The following DET1 variants were observed in gnomAD, a reference collection of about 807,000 sequenced individuals.
DET1 encodes DET1 homolog.
A neutral mutation model predicts 43.7 loss-of-function variants in DET1; 22 were observed. The observed-to-expected ratio is 0.50, with a 90% CI of 0.36 to 0.72. The LOEUF is 0.72. DET1 is among the 30% of genes least tolerant of loss of function. The pLI is 0.00. For synonymous variants in DET1, 315 were observed against 266.2 expected, an observed-to-expected ratio of 1.18 and a Z score of -1.79; for missense variants, 713 against 713.3, an observed-to-expected ratio of 1.00 and a Z score of 0.00.
At chr15:88,511,388 C>G, downstream of DET1, 1 of 985,040 alleles carries the variant, frequency 1.0e-6, no homozygotes, top group Non-Finnish European at 1.2e-6. Flanking sequence ...CATTTCCCAT[C>G]TCCCTCACCC....
Position 88,515,488 on chromosome 15 carries a change from G to A in DET1, c.1463+1294C>T, listed in dbSNP as rs1010301186. Reference sequence around the variant, plus strand: ...TGGGAGGCAGAGGTTGCAGTGAGTCGAGATCGTGCCATTGCACTCGAGCCT... The same window carrying A: ...TGGGAGGCAGAGGTTGCAGTGAGTCAAGATCGTGCCATTGCACTCGAGCCT... On this transcript the variant is annotated intron_variant, in intron 4 of 4. Coordinates refer to ENST00000268148, the MANE Select transcript of DET1 (RefSeq NM_001144074.3). 3.8e-5 allele frequency among the ~76,000 whole-genome samples: 5 copies of A among 131,520 alleles called. 1 individual carries two copies. Among genetic ancestry groups the A allele is most frequent in the South Asian group, 4.9e-4 (2 of 4,044 alleles). 86.3% of individuals were successfully genotyped at this position (131,520 alleles called of 152,430 possible). A position where few individuals can be genotyped will look rare whatever the true frequency, so the allele number is the denominator to read the frequency against.
intron 8 of DET1, chr15:88,503,794 T>C (rs1024431249): frequency 2.6e-5 from 4 of 152,150 alleles, no homozygotes; most frequent in African/African-American, 9.7e-5. Flanking sequence ...ACCTAGGAGT[T>C]TGAGACCAGC....
chr15:88,536,151 A>T (rs545402503), intron 1 of DET1, among the ~76,000 whole-genome samples: 50 of 152,352 alleles, frequency 3.3e-4, no homozygotes, highest in Non-Finnish European at 6.5e-4. Flanking sequence ...AACATTATTT[A>T]AGTGCTGAAA....
intron 3 of DET1, among the ~76,000 whole-genome samples, chr15:88,518,899 C>T (rs1453166226): frequency 6.6e-6 from 1 of 152,190 alleles, no homozygotes; most frequent in Non-Finnish European, 1.5e-5. Context: ...AGCAACACTG[C>T]TTTTCCATTA....
rs369257105 is a variant in DET1 at position 88,517,257 on chromosome 15, G to A, written c.1272-284C>T. On this transcript the variant is annotated intron_variant, in intron 3 of 4. Coordinates refer to ENST00000268148, the MANE Select transcript of DET1 (RefSeq NM_001144074.3). Reference sequence around the variant, plus strand: ...TTTTTTTTTTTTGAGACAGGGTCTCGCTTTGTTGCCCAGGCTGGAGTACAG... The same window carrying A: ...TTTTTTTTTTTTGAGACAGGGTCTCACTTTGTTGCCCAGGCTGGAGTACAG... Among the ~76,000 whole-genome samples the A allele has an allele frequency of 7.3e-5, 10 of 136,864 alleles. No individual in the cohort carries two copies. The East Asian group carries it at 1.6e-3, about 23-fold the overall frequency. 89.8% of individuals were successfully genotyped at this position (136,864 alleles called of 152,430 possible). A position where few individuals can be genotyped will look rare whatever the true frequency, so the allele number is the denominator to read the frequency against.
At chr15:88,512,110 G>A (rs2056210638), downstream of DET1, among the ~76,000 whole-genome samples, 1 of 152,210 alleles carries the variant, frequency 6.6e-6, no homozygotes, top group Non-Finnish European at 1.5e-5. Flanking sequence ...AGGGACACCT[G>A]CGGCTTGCCA....
At chr15:88,518,709 G>A (rs542992124) in intron 3 of DET1, among the ~76,000 whole-genome samples, 10 of 152,110 alleles carry the variant, frequency 6.6e-5, no homozygotes, top group African/African-American at 2.2e-4. Context: ...ATTTTTTTTA[G>A]TCTGGGAGAA....
At chr15:88,527,574 T>C in intron 3 of DET1, 25 bp downstream of exon 3, 1 of 1,550,924 alleles carries the variant, frequency 6.4e-7, no homozygotes, top group South Asian at 1.2e-5. Flanking sequence ...AAGAAAAGAC[T>C]GTTGAGTCTG....
chr15:88,513,471 G>A lies in DET1; in HGVS notation c.1464-331C>T, dbSNP rs149659687. 2.6e-5 allele frequency among the ~76,000 whole-genome samples: 4 copies of A among 152,042 alleles called. No homozygotes were observed. In the East Asian group the frequency reaches 5.8e-4, roughly 22 times the overall value. On this transcript the variant is annotated intron_variant, in intron 4 of 4. Transcript: ENST00000268148. Reference sequence around the variant, plus strand: ...GGTTGTCTAGGCCAGGGCTAAAAATGAAATGCAAGCCACGTGTGTAATTTT... The same window carrying A: ...GGTTGTCTAGGCCAGGGCTAAAAATAAAATGCAAGCCACGTGTGTAATTTT...
Position 88,516,976 on chromosome 15 carries a change from A to G in DET1, c.1272-3T>C. On this transcript the variant is annotated splice_region_variant and splice_polypyrimidine_tract_variant and intron_variant, in intron 3 of 4. Coordinates refer to ENST00000268148, the MANE Select transcript of DET1 (RefSeq NM_001144074.3). The surrounding 1 kb of genome is among the most constrained non-coding windows in gnomAD (Gnocchi z 4.4). ...CATTTATAATAGTGTCTTTGAACCT[A>G]AATGAAAGGACCGGTGAGGAAGGCT... The G allele has an allele frequency of 6.4e-7, 1 of 1,570,852 alleles. No homozygotes were observed. The highest frequency in any genetic ancestry group is 8.6e-7 in the Non-Finnish European group (1 of 1,161,596).
At chr15:88,527,553 C>A (rs1241047038) in intron 3 of DET1, 46 bp downstream of exon 3, 6 of 1,514,592 alleles carry the variant, frequency 4.0e-6, no homozygotes, top group East Asian at 4.7e-5. Context: ...GGCCTAACAC[C>A]AATTTTTCTA....
rs1394954609 is a variant in DET1, at chr15:88,512,558, T to C, written c.*393A>G. On this transcript the variant is annotated 3_prime_UTR_variant, in exon 5 of 5. Coordinates refer to ENST00000268148, the MANE Select transcript of DET1 (RefSeq NM_001144074.3). ...TTATGAGCTAAATGGAAAGGATGTA[T>C]GTCATTCTCATCAGTAAACAAGATT... is the stretch of plus-strand genomic sequence containing the variant. The C allele has an allele frequency of 1.0e-6, 1 of 1,001,426 alleles. No individual in the cohort carries two copies. The highest frequency in any genetic ancestry group is 1.2e-6 in the Non-Finnish European group (1 of 840,248). 62.0% of individuals were successfully genotyped at this position (1,001,426 alleles called of 1,614,324 possible).
At chr15:88,521,058 C>T (rs1200789494) in intron 3 of DET1, among the ~76,000 whole-genome samples, 1 of 152,164 alleles carries the variant, frequency 6.6e-6, no homozygotes, top group African/African-American at 2.4e-5. Context: ...AAGCCAAAGC[C>T]ATAGAATGGC....
At chr15:88,507,301 TA>T (rs1405547329) in intron 7 of DET1, among the ~76,000 whole-genome samples, 1 of 152,228 alleles carries the variant, frequency 6.6e-6, no homozygotes, top group Non-Finnish European at 1.5e-5. Context: ...TCTGGATATC[TA>T]ATAGGCATTT....
downstream of DET1, among the ~76,000 whole-genome samples, chr15:88,512,140 C>A (rs1388016595): frequency 1.3e-5 from 2 of 152,202 alleles, no homozygotes; most frequent in East Asian, 3.9e-4. Flanking sequence ...ACCCAAATTA[C>A]AGTACGTGCT....
intron 3 of DET1, among the ~76,000 whole-genome samples, chr15:88,522,370 A>G (rs2056514247): frequency 6.6e-6 from 1 of 151,930 alleles, no homozygotes; most frequent in African/African-American, 2.4e-5. Context: ...CCTCCTAGGC[A>G]GGTACTCTAT....
chr15:88,528,550 G>T (rs770758854), intron 2 of DET1, among the ~76,000 whole-genome samples: 8 of 152,214 alleles, frequency 5.3e-5, no homozygotes, highest in Non-Finnish European at 7.3e-5. Context: ...AATGCCATAG[G>T]TGGCAGAGTT....
downstream of DET1, among the ~76,000 whole-genome samples, chr15:88,508,085 A>T (rs1189898775): frequency 1.3e-5 from 2 of 152,204 alleles, no homozygotes; most frequent in African/African-American, 4.8e-5. Context: ...ATGCCTGATG[A>T]TCTGTCACTG....
intron 1 of DET1, 165 bp downstream of exon 1, chr15:88,546,375 G>T (rs1029306912): frequency 2.6e-5 from 4 of 152,332 alleles, no homozygotes; most frequent in African/African-American, 9.6e-5. Context: ...ATACCCAAAA[G>T]GGCGCCCCCG....
Sources: gnomAD v4.1 joint callset for allele counts (sites outside exome capture counted in the v4.1 genomes callset) on GRCh38, gnomAD v4.1.1 for gene constraint, Gnocchi (gnomAD v3.1) non-coding constraint, MANE v1.5 for transcripts, NCBI Gene and HGNC (gene_info 2026-07-23, HGNC 2026-07-21) for gene names.